PLEKHA6: variants seen among roughly 807,000 people sequenced by gnomAD.
The protein encoded by PLEKHA6 is pleckstrin homology domain containing A6.
A neutral mutation model predicts 116.7 loss-of-function variants in PLEKHA6; 60 were observed. The observed-to-expected ratio is 0.51, with a 90% CI of 0.42 to 0.64. The LOEUF is 0.64. Among genes scored for constraint, PLEKHA6 ranks in the 30% least tolerant of loss-of-function variants. The pLI, the probability that PLEKHA6 is intolerant of heterozygous loss-of-function variation, is 0.00. For synonymous variants in PLEKHA6, 489 were observed against 556.1 expected, an observed-to-expected ratio of 0.88 and a Z score of 1.70; for missense variants, 1,338 against 1,422.7, an observed-to-expected ratio of 0.94 and a Z score of 0.96.
At chr1:204,289,585 C>T (rs1669542600) in intron 1 of PLEKHA6, among the ~76,000 whole-genome samples, 1 of 152,210 alleles carries the variant, frequency 6.6e-6, no homozygotes, top group African/African-American at 2.4e-5. Flanking sequence ...ACTGCATTCC[C>T]ACTTGCTCCA....
intron 17 of PLEKHA6, among the ~76,000 whole-genome samples, chr1:204,236,880 C>A (rs1225655424): frequency 6.6e-6 from 1 of 152,190 alleles, no homozygotes; most frequent in African/African-American, 2.4e-5. Flanking sequence ...TTTACAGATG[C>A]ATAACCCCTT....
At chr1:204,360,768 T>G (rs948856356), upstream of PLEKHA6, among the ~76,000 whole-genome samples, 2 of 152,118 alleles carry the variant, frequency 1.3e-5, no homozygotes, top group Non-Finnish European at 2.9e-5. Flanking sequence ...TTGATAACCC[T>G]GAGCAAGGAT....
chr1:204,273,501 G>A, intron 3 of PLEKHA6, 125 bp downstream of exon 3: 1 of 699,150 alleles, frequency 1.4e-6, no homozygotes, highest in Non-Finnish European at 2.5e-6. Flanking sequence ...GGGTCACCTT[G>A]CCTACTCTTG....
chr1:204,322,693 GCACCAGCCATAAT>G (rs1211738337), intron 1 of PLEKHA6, among the ~76,000 whole-genome samples: 1 of 152,080 alleles, frequency 6.6e-6, no homozygotes, highest in African/African-American at 2.4e-5. Context: ...GGTCTACTCT[GCACCAGCCATAAT>G]CACACTCCTC....
In PLEKHA6 at chr1:204,241,746, G is replaced by A. The variant is rs754658496; in HGVS notation, c.2241C>T (p.Asp747=). Residue 747 remains aspartate (D), a synonymous_variant, in exon 16 of 23, where the codon GAC becomes GAT. Transcript: ENST00000272203. The part of the protein sequence containing the change: ...HQTLPLDTPR[D]ISLVPTRQEV... ...CTTGCCTGGTGGGCACAAGGCTGAT[G>A]TCTCTGGGGGTGTCCAGGGGCAATG... 4 of 1,613,506 alleles carry A rather than the reference G, an allele frequency of 2.5e-6. No homozygotes were observed. Among genetic ancestry groups the A allele is most frequent in the Admixed American group, 3.3e-5 (2 of 59,908 alleles).
rs1267847762 is a variant in PLEKHA6 at position 204,264,845 on chromosome 1, C to CT, written c.381+96dup. On this transcript the variant is annotated intron_variant, in intron 6 of 22. Transcript: ENST00000272203. ...CTATGGCCACCACCACCTGGGATTC[C>CT]TTAGAGCGATGGCTCTTGGCCCTTC... 3.2e-6 allele frequency: 3 copies of CT among 924,224 alleles called. No homozygotes were observed. In the African/African-American group the frequency reaches 4.9e-5, roughly 15 times the overall value. The allele number at this position is 924,224 out of a possible 1,614,324, so 57.3% of individuals were successfully genotyped here.
chr1:204,304,716 T>C (rs1033958564), intron 1 of PLEKHA6, among the ~76,000 whole-genome samples: 2 of 152,228 alleles, frequency 1.3e-5, no homozygotes, highest in African/African-American at 2.4e-5. Context: ...TGGGAATCAC[T>C]GGGCCAGAAG....
At chr1:204,302,413 C>T (rs1670904795) in intron 1 of PLEKHA6, among the ~76,000 whole-genome samples, 1 of 152,226 alleles carries the variant, frequency 6.6e-6, no homozygotes, top group South Asian at 2.1e-4. Context: ...GCATGATTAA[C>T]GCCTTCTTCC....
At chr1:204,285,459 G>GT (rs11365108) in intron 1 of PLEKHA6, among the ~76,000 whole-genome samples, 279 of 150,196 alleles carry the variant, frequency 1.9e-3, no homozygotes, top group African/African-American at 5.6e-3. Flanking sequence ...GTTGTTGTTG[G>GT]TTTTTTTTTG....
At position 204,219,947 on chromosome 1, in the gene PLEKHA6, GC is replaced by G. The variant is rs1456563340; in HGVS notation, c.*2840del. 1 of 152,192 alleles carries G rather than the reference GC, an allele frequency of 6.6e-6. No individual in the cohort carries two copies. Among genetic ancestry groups the G allele is most frequent in the Non-Finnish European group, 1.5e-5 (1 of 68,068 alleles). 9.4% of individuals were successfully genotyped at this position (152,192 alleles called of 1,614,324 possible). ...ACTGAGGTACCATGCCTTTGGTACAGCCCCCAGAGAGAAAGGTTGCAGAGGG... is the reference window on the plus strand; with the variant it reads ...ACTGAGGTACCATGCCTTTGGTACAGCCCCAGAGAGAAAGGTTGCAGAGGG... On this transcript the variant is annotated 3_prime_UTR_variant, in exon 23 of 23. Transcript: ENST00000272203.
At position 204,223,429 on chromosome 1, in the gene PLEKHA6, G is replaced by A. The variant is rs762246716; in HGVS notation, c.*8+33C>T. The stretch of plus-strand genomic sequence containing the variant: ...GGGTGAAGGAAGGGGCCCCACTCCC[G>A]AGGTGGATGAAATACAGTAGAAAAG... On this transcript the variant is annotated intron_variant, in intron 22 of 22. Transcript: ENST00000272203. This position sits in a 1 kb window ranked among gnomAD's most constrained non-coding sequence, Gnocchi z 4.8. 78 of 1,232,724 alleles carry A rather than the reference G, an allele frequency of 6.3e-5. No homozygotes were observed. The highest frequency in any genetic ancestry group is 5.1e-5 in the East Asian group (2 of 39,558). The allele number at this position is 1,232,724 out of a possible 1,614,324, so 76.4% of individuals were successfully genotyped here.
At chr1:204,314,379 C>G (rs1226738184) in intron 1 of PLEKHA6, among the ~76,000 whole-genome samples, 1 of 152,178 alleles carries the variant, frequency 6.6e-6, no homozygotes, top group Non-Finnish European at 1.5e-5. Context: ...TCTAGAAAAG[C>G]TTTCTTCTTT....
At chr1:204,301,611 T>C (rs985601532) in intron 1 of PLEKHA6, 17 of 282,958 alleles carry the variant, frequency 6.0e-5, no homozygotes, top group African/African-American at 2.3e-4. Context: ...GACAGAGCTG[T>C]GGGGGAAACA....
At chr1:204,226,869 A>G (rs1660432223) in intron 21 of PLEKHA6, among the ~76,000 whole-genome samples, 1 of 152,204 alleles carries the variant, frequency 6.6e-6, no homozygotes, top group African/African-American at 2.4e-5. Flanking sequence ...TTGCTATTTC[A>G]ACTACTACTA....
intron 1 of PLEKHA6, among the ~76,000 whole-genome samples, chr1:204,290,612 G>T (rs769463792): frequency 6.6e-6 from 1 of 152,180 alleles, no homozygotes; most frequent in Non-Finnish European, 1.5e-5. Context: ...ATTTGGCAAA[G>T]ATGTCTTTAA....
intron 1 of PLEKHA6, chr1:204,299,629 A>G (rs922094504): frequency 1.0e-6 from 1 of 985,116 alleles, no homozygotes; most frequent in Non-Finnish European, 1.2e-6. Flanking sequence ...TTTCTCCTGC[A>G]CTTTCCAAAG....
At chr1:204,268,009 A>C (rs1667024400) in intron 4 of PLEKHA6, among the ~76,000 whole-genome samples, 199 bp downstream of exon 4, 1 of 152,132 alleles carries the variant, frequency 6.6e-6, no homozygotes, top group African/African-American at 2.4e-5. Flanking sequence ...TGGGTTCCCA[A>C]GTTTGACACA....
At chr1:204,249,650 T>C (rs2102650662) in intron 10 of PLEKHA6, among the ~76,000 whole-genome samples, 1 of 152,192 alleles carries the variant, frequency 6.6e-6, no homozygotes, top group East Asian at 1.9e-4. Flanking sequence ...CAGTGAGCAA[T>C]AGAAACTGTC....
chr1:204,289,720 T>G (rs1397149932), intron 1 of PLEKHA6, among the ~76,000 whole-genome samples: 2 of 152,232 alleles, frequency 1.3e-5, no homozygotes, highest in Non-Finnish European at 2.9e-5. Context: ...ACTGAAATGA[T>G]CTATGACTTA....
Sources: allele counts gnomAD v4.1 joint callset (sites outside exome capture counted in the v4.1 genomes callset), GRCh38; gene constraint gnomAD v4.1.1; non-coding constraint Gnocchi (gnomAD v3.1); transcripts MANE v1.5; gene names NCBI Gene and HGNC (gene_info 2026-07-23, HGNC 2026-07-21).